LIG3: variants seen among roughly 807,000 people sequenced by gnomAD.
LIG3 encodes the protein ligase II, DNA, ATP-dependent.
LIG3 carries 58 observed loss-of-function variants against 110.9 expected under a neutral mutation model. The ratio of observed to expected loss-of-function variants is 0.52; its 90% CI spans 0.42 to 0.65. The LOEUF (loss-of-function observed/expected upper bound fraction) is 0.65. Ranked by LOEUF, LIG3 falls within the 30% of genes least tolerant of loss-of-function variation. LIG3 has a pLI of 0.00. For synonymous variants in LIG3, 422 were observed against 472.8 expected (o/e 0.89, Z 1.39); for missense variants, 1,094 against 1,273.8 (o/e 0.86, Z 2.15).
downstream of LIG3, chr17:35,010,307 G>GA (rs2090928300): frequency 6.6e-6 from 1 of 152,194 alleles, no homozygotes; most frequent in Non-Finnish European, 1.5e-5. Context: ...TTGGTAATGG[G>GA]AAAACACTCT....
rs894700120 is a variant in LIG3, at chr17:34,999,305, A to G, written c.2114-2A>G. 6.2e-7 allele frequency: 1 copy of G among 1,611,056 alleles called. No individual in the cohort carries two copies. The highest frequency in any genetic ancestry group is 8.5e-7 in the Non-Finnish European group (1 of 1,178,078). On this transcript the variant is annotated splice_acceptor_variant, in intron 14 of 19. Coordinates refer to ENST00000378526, the MANE Select transcript of LIG3 (RefSeq NM_013975.4). LOFTEE classifies it high-confidence loss of function. ...CACACTCATCTCACACTCCCCTCCC[A>G]GGCGGCATGATGTCAATCTTCCTCA...
In LIG3 at chr17:34,988,049, C is replaced by T. The variant is rs546192204; in HGVS notation, c.692-1417C>T. On this transcript the variant is annotated intron_variant, in intron 3 of 19. Coordinates refer to ENST00000378526, the MANE Select transcript of LIG3 (RefSeq NM_013975.4). ...CTCTACTAAAAATAAAAAAATTAGCCGGGCGTGGTGGCAGGCACCTGTAGT... is the reference window on the plus strand; with the variant it reads ...CTCTACTAAAAATAAAAAAATTAGCTGGGCGTGGTGGCAGGCACCTGTAGT... Among the ~76,000 whole-genome samples the T allele has an allele frequency of 1.1e-4, 17 of 151,804 alleles. No individual in the cohort carries two copies. In the East Asian group the frequency reaches 2.3e-3, roughly 21 times the overall value.
rs1293428236 is a variant in LIG3, at chr17:35,009,027, A to T, written c.*4521A>T. The T allele has an allele frequency of 6.6e-6, 1 of 152,518 alleles. No individual in the cohort carries two copies. Among genetic ancestry groups the T allele is most frequent in the African/African-American group, 2.4e-5 (1 of 41,440 alleles). The allele number at this position is 152,518 out of a possible 1,614,324, so 9.4% of individuals were successfully genotyped here. A position where few individuals can be genotyped will look rare whatever the true frequency, so the allele number is the denominator to read the frequency against. ...AGCAGTCTTCCCACCTTGGCCTCCT[A>T]AAGTGTGGAAATTATAGCATGAACC... On this transcript the variant is annotated 3_prime_UTR_variant, in exon 20 of 20. Coordinates refer to ENST00000378526, the MANE Select transcript of LIG3 (RefSeq NM_013975.4).
At chr17:34,984,603 C>A (rs950275037) in intron 2 of LIG3, among the ~76,000 whole-genome samples, 2 of 151,220 alleles carry the variant, frequency 1.3e-5, no homozygotes, top group African/African-American at 4.9e-5. Flanking sequence ...AAGAGTAAAA[C>A]CTGGATACTA....
intron 16 of LIG3, among the ~76,000 whole-genome samples, chr17:35,000,318 G>A (rs1332891659): frequency 6.6e-6 from 1 of 152,232 alleles, no homozygotes; most frequent in African/African-American, 2.4e-5. Context: ...GAGTGCAATA[G>A]CGGGATCTCA....
intron 14 of LIG3, 37 bp downstream of exon 14, chr17:34,998,764 T>G: frequency 6.3e-7 from 1 of 1,598,950 alleles, no homozygotes; most frequent in Non-Finnish European, 8.5e-7. Flanking sequence ...TGGTACTGTT[T>G]TAGAAGGTAC....
intron 17 of LIG3, 103 bp from the exon 18 acceptor site, chr17:35,001,806 C>T: frequency 9.8e-7 from 1 of 1,020,404 alleles, no homozygotes; most frequent in Non-Finnish European, 1.4e-6. Flanking sequence ...ATCTTTCTCA[C>T]ATCTTTGTTC....
chr17:34,992,613 A>G lies in LIG3; in HGVS notation c.1376A>G (p.Gln459Arg), dbSNP rs1176214065. The G allele has an allele frequency of 1.2e-6, 2 of 1,613,712 alleles. No homozygotes were observed. Among genetic ancestry groups the G allele is most frequent in the African/African-American group, 1.3e-5 (1 of 74,900 alleles). ...DVVERVLHNA[Q>R]EVEKEPGQRR... The stretch of plus-strand genomic sequence containing the variant: ...GTGGAGCGGGTCCTTCACAACGCGC[A>G]GGAGGTGGAGAAGGAGCCGGGCCAG... The change falls in exon 8 of 20, where the codon CAG becomes CGG. Residue 459 changes from glutamine (Q) to arginine (R), a missense_variant. Physicochemically the swap from Gln to Arg is conservative, Grantham distance 43. Transcript: ENST00000378526.
In LIG3 at chr17:34,999,939, T is replaced by G; in HGVS notation, c.2331+83T>G. ...AGTGCCATAGAGAATCCATCTCACC[T>G]CGCTGAAAGTCCACCCAGGGATAGG... On this transcript the variant is annotated intron_variant, in intron 16 of 19. Coordinates refer to ENST00000378526, the MANE Select transcript of LIG3 (RefSeq NM_013975.4). 3 of 1,097,778 alleles carry G rather than the reference T, an allele frequency of 2.7e-6. No individual in the cohort carries two copies. The South Asian group carries it at 4.0e-5, about 15-fold the overall frequency. The allele number at this position is 1,097,778 out of a possible 1,614,324, so 68.0% of individuals were successfully genotyped here.
In LIG3 at chr17:34,999,703, T is replaced by C. The variant is rs1285324669; in HGVS notation, c.2257-79T>C. 1.6e-5 allele frequency: 22 copies of C among 1,339,618 alleles called. No homozygotes were observed. In the Admixed American group the frequency reaches 3.4e-4, roughly 21 times the overall value. The allele number at this position is 1,339,618 out of a possible 1,614,324, so 83.0% of individuals were successfully genotyped here. ...CATCAGCTGTTTAAGTGGCTTCTTA[T>C]AATCTCATTACCAAGAGAAGGGATT... On this transcript the variant is annotated intron_variant, in intron 15 of 19. Coordinates refer to ENST00000378526, the MANE Select transcript of LIG3 (RefSeq NM_013975.4).
In LIG3 at chr17:35,003,202, C is replaced by G. The variant is rs973748283; in HGVS notation, c.2796+413C>G. ...GAAGCAGGTCCAGCAAGCAGCGAGT[C>G]GGGGAGAGGGCACTGGCTTGGTGAC... On this transcript the variant is annotated intron_variant, in intron 19 of 19. Transcript: ENST00000378526. The G allele has an allele frequency of 1.1e-5, 16 of 1,483,828 alleles. No homozygotes were observed. In the East Asian group the frequency reaches 3.7e-4, roughly 35 times the overall value. The allele number at this position is 1,483,828 out of a possible 1,614,324, so 91.9% of individuals were successfully genotyped here.
intron 3 of LIG3, among the ~76,000 whole-genome samples, chr17:34,989,264 T>C (rs555025897): frequency 6.6e-6 from 1 of 152,276 alleles, no homozygotes; most frequent in South Asian, 2.1e-4. Context: ...TTTAACATTA[T>C]TTATTAGCTG....
At position 35,004,632 on chromosome 17, in the gene LIG3, C is replaced by T. The variant is rs1843325084; in HGVS notation, c.*126C>T. On this transcript the variant is annotated 3_prime_UTR_variant, in exon 20 of 20. Transcript: ENST00000378526. ...CTTGCTTCTCCCAAACCCACCAGTTCTCCACTGTCTCTTCTGGACCAGGAA... is the reference window on the plus strand; with the variant it reads ...CTTGCTTCTCCCAAACCCACCAGTTTTCCACTGTCTCTTCTGGACCAGGAA... The T allele has an allele frequency of 2.9e-6, 2 of 693,568 alleles. No homozygotes were observed. The highest frequency in any genetic ancestry group is 4.9e-6 in the Non-Finnish European group (2 of 405,636). The allele number at this position is 693,568 out of a possible 1,614,324, so 43.0% of individuals were successfully genotyped here.
downstream of LIG3, chr17:35,010,734 AGAGT>A (rs1407715065): frequency 2.2e-5 from 3 of 136,260 alleles, no homozygotes; most frequent in Admixed American, 7.3e-5. Context: ...CCTGGGCAAC[AGAGT>A]GAGACTCAAA....
chr17:34,993,879 C>G (rs974997355), intron 8 of LIG3, among the ~76,000 whole-genome samples: 4 of 152,144 alleles, frequency 2.6e-5, no homozygotes, highest in African/African-American at 2.4e-5. Context: ...TCACTGTCAC[C>G]TGCACTCTTT....
At position 34,991,849 on chromosome 17, in the gene LIG3, G is replaced by T; in HGVS notation, c.1208+12G>T. The T allele has an allele frequency of 6.2e-7, 1 of 1,614,008 alleles. No homozygotes were observed. Among genetic ancestry groups the T allele is most frequent in the South Asian group, 1.1e-5 (1 of 91,082 alleles). On this transcript the variant is annotated intron_variant, in intron 6 of 19. Transcript: ENST00000378526. Reference sequence around the variant, plus strand: ...GACATTGCCTCCAGGTGGGGGAGCTGCCTCCGTCAAACCATGCCCATAGAG... The same window carrying T: ...GACATTGCCTCCAGGTGGGGGAGCTTCCTCCGTCAAACCATGCCCATAGAG...
Position 34,989,584 on chromosome 17 carries a change from C to T in LIG3, c.810C>T (p.Cys270=), listed in dbSNP as rs1423370486. Residue 270 remains cysteine (C), a synonymous_variant, in exon 4 of 20, where the codon TGC becomes TGT. Transcript: ENST00000378526. ...TGCTACGGGAGTTTCGAAAGTTATG[C>T]GCCATGGTGGCCGATAATCCTAGCT... ...DCLLREFRKL[C]AMVADNPSYN... is the part of the protein sequence containing the mutation. 2.5e-6 allele frequency: 4 copies of T among 1,614,076 alleles called. No individual in the cohort carries two copies. The highest frequency in any genetic ancestry group is 2.2e-5 in the East Asian group (1 of 44,840).
In LIG3 at chr17:34,983,341, T is replaced by G; in HGVS notation, c.336T>G (p.Ile112Met). Residue 112 changes from isoleucine (I) to methionine (M), a missense_variant, in exon 2 of 20, where the codon ATT becomes ATG. By Grantham distance (10) the Ile-to-Met change is conservative. Transcript: ENST00000378526. ...GCTGCAAAAAATGCAAGGAAAAGATTGTGAAGGGCGTATGCCGAATTGGCA... is the reference window on the plus strand; with the variant it reads ...GCTGCAAAAAATGCAAGGAAAAGATGGTGAAGGGCGTATGCCGAATTGGCA... Reference protein sequence around the residue: ...TAGCKKCKEKIVKGVCRIGKV... With the variant: ...TAGCKKCKEKMVKGVCRIGKV... 6.2e-7 allele frequency: 1 copy of G among 1,614,188 alleles called. No homozygotes were observed. Among genetic ancestry groups the G allele is most frequent in the South Asian group, 1.1e-5 (1 of 91,084 alleles).
downstream of LIG3, chr17:35,010,075 T>C (rs961417578): frequency 1.3e-5 from 2 of 151,852 alleles, no homozygotes; most frequent in African/African-American, 4.9e-5. Context: ...CAGTGTTCAG[T>C]TGACTAGTTT....
Sources: gnomAD v4.1 joint callset for allele counts (sites outside exome capture counted in the v4.1 genomes callset) on GRCh38, gnomAD v4.1.1 for gene constraint, MANE v1.5 for transcripts, NCBI Gene and HGNC (gene_info 2026-07-23, HGNC 2026-07-21) for gene names.